The following APOL1 variants were observed in gnomAD, a reference collection of about 807,000 sequenced individuals.
The protein encoded by APOL1 is apolipoprotein L 1.
In APOL1, 17 loss-of-function variants were observed where a neutral mutation model predicts 14.9. The observed-to-expected ratio is 1.14, with a 90% confidence interval of 0.78 to 1.71. The LOEUF (loss-of-function observed/expected upper bound fraction) is 1.71. APOL1 is among the 40% of genes most tolerant of loss of function. The probability of loss-of-function intolerance (pLI) is 0.00; values close to 1 mark genes in which losing one functional copy is unlikely to be tolerated. For missense variants in APOL1, 523 were observed against 485.9 expected (o/e 1.08, Z -0.72); for synonymous variants, 195 against 184.8 (o/e 1.05, Z -0.45).
intron 4 of APOL1, among the ~76,000 whole-genome samples, chr22:36,257,975 C>A (rs1228152145): frequency 1.3e-5 from 2 of 152,214 alleles, no homozygotes; most frequent in Non-Finnish European, 2.9e-5. Flanking sequence ...CCTGGCGCTC[C>A]TTACCTCCCT....
intron 1 of APOL1, among the ~76,000 whole-genome samples, chr22:36,254,449 C>A (rs909716401): frequency 6.6e-6 from 1 of 152,170 alleles, no homozygotes; most frequent in African/African-American, 2.4e-5. Flanking sequence ...TACCTGTAGT[C>A]CCAGCTACTC....
At chr22:36,261,044 G>C (rs2016056708) in intron 4 of APOL1, among the ~76,000 whole-genome samples, 1 of 152,206 alleles carries the variant, frequency 6.6e-6, no homozygotes, top group South Asian at 2.1e-4. Context: ...CTTCATGTTG[G>C]TGCTGAGCTG....
intron 5 of APOL1, among the ~76,000 whole-genome samples, chr22:36,262,273 G>T (rs150123472): frequency 6.6e-6 from 1 of 152,152 alleles, no homozygotes; most frequent in Non-Finnish European, 1.5e-5. Flanking sequence ...CCATAAACAC[G>T]GCAGGACCCT....
chr22:36,260,385 A>G (rs1394191074), intron 4 of APOL1, among the ~76,000 whole-genome samples: 2 of 151,646 alleles, frequency 1.3e-5, no homozygotes, highest in Non-Finnish European at 2.9e-5. Context: ...AGAGAGCAAG[A>G]CTCCATCCCC....
At position 36,266,095 on chromosome 22, in the gene APOL1, C is replaced by CT. The variant is rs576493992; in HGVS notation, c.*74dup. On this transcript the variant is annotated 3_prime_UTR_variant, in exon 6 of 6. Transcript: ENST00000397278. Reference sequence around the variant, plus strand: ...GGCAGGGGCCAGGACAAAATGCAAACTTTTTTTTTTTTCTGAGACAGAGTC... The same window carrying CT: ...GGCAGGGGCCAGGACAAAATGCAAACTTTTTTTTTTTTTCTGAGACAGAGTC... 0.059 allele frequency: 60,175 copies of CT among 1,019,796 alleles called. No individual in the cohort carries two copies. The highest frequency in any genetic ancestry group is 0.067 in the South Asian group (3,199 of 47,582). The allele number at this position is 1,019,796 out of a possible 1,614,324, so 63.2% of individuals were successfully genotyped here. A position where few individuals can be genotyped will look rare whatever the true frequency, so the allele number is the denominator to read the frequency against.
chr22:36,264,765 T>C (rs954303860), intron 5 of APOL1, among the ~76,000 whole-genome samples: 19 of 152,090 alleles, frequency 1.2e-4, no homozygotes, highest in Non-Finnish European at 2.6e-4. Context: ...TTACACAGGA[T>C]AGAGATCACA....
At position 36,261,637 on chromosome 22, in the gene APOL1, G is replaced by A. The variant is rs372444766; in HGVS notation, c.229G>A (p.Glu77Lys). ...FIEDAIKYFKEKVSTQNLLLL... is the reference protein window; with the variant it reads ...FIEDAIKYFKKKVSTQNLLLL... ...TGAGGATGCCATTAAGTATTTCAAG[G>A]AAAAAGTGAGCACACAGAATCTGCT... The change falls in exon 5 of 6, where the codon GAA (glutamate) becomes AAA (lysine). Residue 77 changes from glutamate (E) to lysine (K), a missense_variant. Transcript: ENST00000397278. 1.2e-6 allele frequency: 2 copies of A among 1,613,756 alleles called. No individual in the cohort carries two copies. Among genetic ancestry groups the A allele is most frequent in the African/African-American group, 2.7e-5 (2 of 74,884 alleles).
chr22:36,260,851 C>T (rs2016051291), intron 4 of APOL1, among the ~76,000 whole-genome samples: 1 of 152,234 alleles, frequency 6.6e-6, no homozygotes, highest in Admixed American at 6.5e-5. Flanking sequence ...GCTTGGTACA[C>T]TCTGATATTT....
At position 36,266,000 on chromosome 22, in the gene APOL1, T is replaced by C; in HGVS notation, c.1164T>C (p.Asn388=). Reference sequence around the variant, plus strand: ...AGAAGCTAAACATTCTCAACAATAATTATAAGATTCTGCAGGCGGACCAAG... The same window carrying C: ...AGAAGCTAAACATTCTCAACAATAACTATAAGATTCTGCAGGCGGACCAAG... ...LEEKLNILNN[N]YKILQADQEL Residue 388 remains asparagine (N), a synonymous_variant, in exon 6 of 6, where the codon AAT becomes AAC. Transcript: ENST00000397278. The C allele has an allele frequency of 4.4e-6, 7 of 1,590,774 alleles. No individual in the cohort carries two copies. Among genetic ancestry groups the C allele is most frequent in the Non-Finnish European group, 5.9e-6 (7 of 1,178,754 alleles).
rs1439034159 is a variant in APOL1, at chr22:36,257,105, G to A, written c.67G>A (p.Val23Met). Residue 23 changes from valine (V) to methionine (M), a missense_variant, in exon 3 of 6, where the codon GTG becomes ATG. Coordinates refer to ENST00000397278, the MANE Select transcript of APOL1 (RefSeq NM_003661.4). ...CAGGATGAGTGCACTTTTCCTTGGT[G>A]TGGGAGTGAGGGCAGAGGAAGCTGG... Reference protein sequence around the residue: ...CIWMSALFLGVGVRAEEAGAR... With the variant: ...CIWMSALFLGMGVRAEEAGAR... 4.3e-6 allele frequency: 7 copies of A among 1,614,078 alleles called. No homozygotes were observed. Among genetic ancestry groups the A allele is most frequent in the Non-Finnish European group, 5.9e-6 (7 of 1,180,032 alleles).
intron 5 of APOL1, among the ~76,000 whole-genome samples, chr22:36,264,428 T>C (rs1453406155): frequency 6.6e-6 from 1 of 152,202 alleles, no homozygotes; most frequent in African/African-American, 2.4e-5. Flanking sequence ...GGAAGGCCTC[T>C]CTTTGGGTAA....
chr22:36,253,941 G>T (rs1437364757), intron 1 of APOL1: 1 of 1,614,176 alleles, frequency 6.2e-7, no homozygotes, highest in Non-Finnish European at 8.5e-7. Context: ...GGTGCCTGTG[G>T]CATGATGCCA....
chr22:36,254,088 G>A, intron 1 of APOL1: 1 of 1,455,992 alleles, frequency 6.9e-7, no homozygotes, highest in Non-Finnish European at 9.6e-7. Context: ...AAACATTTTT[G>A]CTTCAATATT....
intron 5 of APOL1, among the ~76,000 whole-genome samples, chr22:36,264,236 G>T (rs1228790342): frequency 6.6e-6 from 1 of 152,156 alleles, no homozygotes; most frequent in African/African-American, 2.4e-5. Context: ...CCTCCCTGAG[G>T]TCTAACCCCT....
intron 5 of APOL1, among the ~76,000 whole-genome samples, chr22:36,262,352 C>CTG (rs1261048782): frequency 1.3e-5 from 2 of 152,196 alleles, no homozygotes; most frequent in African/African-American, 4.8e-5. Context: ...CCAGCTCTGT[C>CTG]TGTGTCCAGT....
chr22:36,263,246 G>A (rs2016131317), intron 5 of APOL1, among the ~76,000 whole-genome samples: 1 of 152,194 alleles, frequency 6.6e-6, no homozygotes, highest in African/African-American at 2.4e-5. Context: ...CTGGGGCAGT[G>A]GCCAGAACCA....
intron 4 of APOL1, among the ~76,000 whole-genome samples, chr22:36,261,274 C>A (rs924428776): frequency 1.3e-5 from 2 of 152,208 alleles, no homozygotes; most frequent in African/African-American, 2.4e-5. Flanking sequence ...GCACTGTGTG[C>A]TCACACAGTC....
chr22:36,256,649 T>C (rs1019747239), intron 2 of APOL1, among the ~76,000 whole-genome samples: 4 of 152,138 alleles, frequency 2.6e-5, no homozygotes, highest in South Asian at 4.2e-4. Flanking sequence ...GAGCACAGAG[T>C]GTGAGACAAG....
At chr22:36,260,867 T>G (rs1356855685) in intron 4 of APOL1, among the ~76,000 whole-genome samples, 1 of 152,252 alleles carries the variant, frequency 6.6e-6, no homozygotes, top group Non-Finnish European at 1.5e-5. Context: ...TATTTTCAAA[T>G]TGATTTTCTT....
Sources: allele counts gnomAD v4.1 joint callset (sites outside exome capture counted in the v4.1 genomes callset), GRCh38; gene constraint gnomAD v4.1.1; transcripts MANE v1.5; gene names NCBI Gene and HGNC (gene_info 2026-07-23, HGNC 2026-07-21).